CYGB: variants seen among roughly 807,000 people sequenced by gnomAD.
CYGB encodes the protein histoglobin.
Under a neutral mutation model 20.7 loss-of-function variants are expected in CYGB, and 13 were observed. That is an observed-to-expected ratio of 0.63 (90% CI 0.41 to 1.00). CYGB has a LOEUF of 1.00. CYGB is among the 50% of genes least tolerant of loss of function. The pLI is 0.00. For synonymous variants in CYGB, 93 were observed against 107.4 expected (o/e 0.87, Z 0.83); for missense variants, 218 against 257.2 (o/e 0.85, Z 1.04).
rs200052841 is a variant in CYGB at position 76,531,177 on chromosome 17, C to T, written c.376-35G>A. 326 of 1,596,658 alleles carry T rather than the reference C, an allele frequency of 2.0e-4. 1 individual carries two copies. The East Asian group carries it at 2.7e-3, about 13-fold the overall frequency. ...AAGGGAGGAAGGGGGAGTGAACGCCCGGGCGCCCTGCGTCCTGCAACCCCC... is the reference window on the plus strand; with the variant it reads ...AAGGGAGGAAGGGGGAGTGAACGCCTGGGCGCCCTGCGTCCTGCAACCCCC... On this transcript the variant is annotated intron_variant, in intron 2 of 3. Coordinates refer to ENST00000293230, the MANE Select transcript of CYGB (RefSeq NM_134268.5). This position sits in a 1 kb window ranked among gnomAD's most constrained non-coding sequence, Gnocchi z 7.4.
intron 1 of CYGB, among the ~76,000 whole-genome samples, chr17:76,536,681 A>C (rs1382250555): frequency 6.6e-6 from 1 of 152,170 alleles, no homozygotes; most frequent in Non-Finnish European, 1.5e-5. Flanking sequence ...CCCTAAGCCC[A>C]AGCCACTGCA....
rs534089064 is a variant in CYGB at position 76,549,609 on chromosome 17, A to G, written c.-53+1253T>C. On this transcript the variant is annotated intron_variant, in intron 1 of 3. Transcript: ENST00000589145. ...AGAGGAATGAAAACTTACATCCACAAAAAAGACTGCAAAGATGTTCATGGC... is the reference window on the plus strand; with the variant it reads ...AGAGGAATGAAAACTTACATCCACAGAAAAGACTGCAAAGATGTTCATGGC... 2.6e-5 allele frequency among the ~76,000 whole-genome samples: 4 copies of G among 152,364 alleles called. No individual in the cohort carries two copies. The South Asian group carries it at 8.3e-4, about 32-fold the overall frequency.
upstream of CYGB, among the ~76,000 whole-genome samples, chr17:76,541,832 T>G (rs1387979467): frequency 6.6e-6 from 1 of 152,142 alleles, no homozygotes; most frequent in Non-Finnish European, 1.5e-5. Flanking sequence ...ATGGAAAGAC[T>G]ATGGGGGAAA....
upstream of CYGB, chr17:76,540,662 C>A (rs544508642): frequency 4.4e-5 from 58 of 1,309,220 alleles, no homozygotes; most frequent in African/African-American, 7.0e-4. The surrounding 1 kb of genome is among the most constrained non-coding windows in gnomAD (Gnocchi z 5.0). Context: ...TGTGCCTGTG[C>A]GCGCCTGTGC....
At position 76,531,401 on chromosome 17, in the gene CYGB, G is replaced by A. The variant is rs902003474; in HGVS notation, c.375+59C>T. 18 of 1,559,910 alleles carry A rather than the reference G, an allele frequency of 1.2e-5. No homozygotes were observed. In the African/African-American group the frequency reaches 2.2e-4, roughly 19 times the overall value. Reference sequence around the variant, plus strand: ...CAGAGAGCCGTCGCAGAGCCTGCGAGCTGCAGATGGCCATGACGCGTGGGC... The same window carrying A: ...CAGAGAGCCGTCGCAGAGCCTGCGAACTGCAGATGGCCATGACGCGTGGGC... On this transcript the variant is annotated intron_variant, in intron 2 of 3. Transcript: ENST00000293230. The surrounding 1 kb of genome is among the most constrained non-coding windows in gnomAD (Gnocchi z 7.4).
At position 76,530,088 on chromosome 17, in the gene CYGB, C is replaced by T; in HGVS notation, c.539+891G>A. 1 of 982,754 alleles carries T rather than the reference C, an allele frequency of 1.0e-6. No individual in the cohort carries two copies. Among genetic ancestry groups the T allele is most frequent in the Non-Finnish European group, 1.2e-6 (1 of 827,602 alleles). 60.9% of individuals were successfully genotyped at this position (982,754 alleles called of 1,614,324 possible). ...GCCCGGCGGGAGACGCCGCCTTTTC[C>T]ATGGGAAACTGCTGGGAATGTTTCT... On this transcript the variant is annotated intron_variant, in intron 3 of 3. Coordinates refer to ENST00000293230, the MANE Select transcript of CYGB (RefSeq NM_134268.5). The surrounding 1 kb of genome is among the most constrained non-coding windows in gnomAD (Gnocchi z 6.1).
chr17:76,534,763 G>A (rs1412340105), intron 1 of CYGB, among the ~76,000 whole-genome samples: 1 of 152,326 alleles, frequency 6.6e-6, no homozygotes, highest in South Asian at 2.1e-4. Flanking sequence ...ATCGTGGCCT[G>A]GTAACCAGGT....
At chr17:76,534,628 C>T (rs1008457050) in intron 1 of CYGB, among the ~76,000 whole-genome samples, 2 of 152,246 alleles carry the variant, frequency 1.3e-5, no homozygotes, top group Admixed American at 6.5e-5. Flanking sequence ...TAATCCCCAT[C>T]CTATGAATTA....
intron 1 of CYGB, chr17:76,544,756 A>G (rs2075034710): frequency 2.2e-6 from 1 of 456,546 alleles, no homozygotes; most frequent in Non-Finnish European, 4.4e-6. Context: ...TTTATTCTCT[A>G]TTTGCCATGT....
At position 76,527,870 on chromosome 17, in the gene CYGB, C is replaced by T. The variant is rs760296517; in HGVS notation, c.*708G>A. The T allele has an allele frequency of 1.1e-5, 5 of 445,918 alleles. No individual in the cohort carries two copies. Among genetic ancestry groups the T allele is most frequent in the South Asian group, 4.7e-5 (3 of 64,274 alleles). The allele number at this position is 445,918 out of a possible 1,614,324, so 27.6% of individuals were successfully genotyped here. A position where few individuals can be genotyped will look rare whatever the true frequency, so the allele number is the denominator to read the frequency against. On this transcript the variant is annotated 3_prime_UTR_variant, in exon 4 of 4. Transcript: ENST00000293230. ...CCTCTGAGGGAGTAGGGGGAGCCCA[C>T]TCCTTTCTGCCTGGAAGTGGAATTC...
chr17:76,534,704 C>G (rs906159371), intron 1 of CYGB, among the ~76,000 whole-genome samples: 8 of 152,126 alleles, frequency 5.3e-5, no homozygotes, highest in African/African-American at 1.9e-4. Flanking sequence ...CAGGCAGGCC[C>G]GCTTTGACAG....
intron 1 of CYGB, among the ~76,000 whole-genome samples, chr17:76,534,178 T>TCTCTCTC (rs1567907880): frequency 3.0e-4 from 19 of 63,940 alleles, no homozygotes; most frequent in Non-Finnish European, 5.8e-4. Context: ...CTCTCTCTCT[T>TCTCTCTC]TCTTTCTTTC....
chr17:76,534,841 C>G (rs1462473195), intron 1 of CYGB, among the ~76,000 whole-genome samples: 1 of 152,218 alleles, frequency 6.6e-6, no homozygotes, highest in Non-Finnish European at 1.5e-5. Flanking sequence ...GAGTCCCCAC[C>G]CAGACCCTCC....
At chr17:76,537,302 A>C in intron 1 of CYGB, 98 bp downstream of exon 1, 2 of 1,310,982 alleles carry the variant, frequency 1.5e-6, no homozygotes, top group Non-Finnish European at 2.0e-6. Context: ...GCGGCTGGGG[A>C]GGTGGCGCTG....
At chr17:76,549,548 G>C (rs1235061677) in intron 1 of CYGB, among the ~76,000 whole-genome samples, 1 of 152,180 alleles carries the variant, frequency 6.6e-6, no homozygotes, top group Non-Finnish European at 1.5e-5. Context: ...CAACCACTTG[G>C]GAAACCAGCA....
chr17:76,547,807 GACACACATTCACACACACACACACA>G (rs536046764), intron 1 of CYGB, among the ~76,000 whole-genome samples: 1 of 142,978 alleles, frequency 7.0e-6, no homozygotes, highest in East Asian at 2.1e-4. Context: ...CATTCACAGA[GACACACATTCACACACACACACACA>G]ACACACATTC....
rs1444516837 is a variant in CYGB at position 76,527,605 on chromosome 17, G to T, written c.*973C>A. Reference sequence around the variant, plus strand: ...AGATGAATAGACAGGGCCGACTGCCGGCCAGGAGGAGGGTGGGGTGGGGAA... The same window carrying T: ...AGATGAATAGACAGGGCCGACTGCCTGCCAGGAGGAGGGTGGGGTGGGGAA... On this transcript the variant is annotated 3_prime_UTR_variant, in exon 4 of 4. Coordinates refer to ENST00000293230, the MANE Select transcript of CYGB (RefSeq NM_134268.5). The T allele has an allele frequency of 4.4e-6, 2 of 453,124 alleles. No individual in the cohort carries two copies. The highest frequency in any genetic ancestry group is 1.6e-5 in the South Asian group (1 of 64,418). The allele number at this position is 453,124 out of a possible 1,614,324, so 28.1% of individuals were successfully genotyped here.
chr17:76,540,751 C>A (rs749136553), upstream of CYGB, among the ~76,000 whole-genome samples: 1 of 152,196 alleles, frequency 6.6e-6, no homozygotes, highest in African/African-American at 2.4e-5. The surrounding 1 kb of genome is among the most constrained non-coding windows in gnomAD (Gnocchi z 5.0). Flanking sequence ...CTGTTTTCTG[C>A]GGTTGGGAAT....
chr17:76,545,334 G>A (rs1353994240), intron 1 of CYGB: 2 of 456,632 alleles, frequency 4.4e-6, no homozygotes, highest in East Asian at 6.9e-5. Context: ...GGGCAAGGGT[G>A]GACCTTTAAA....
Sources: gnomAD v4.1 joint callset for allele counts (sites outside exome capture counted in the v4.1 genomes callset) on GRCh38, gnomAD v4.1.1 for gene constraint, Gnocchi (gnomAD v3.1) non-coding constraint, MANE v1.5 for transcripts, NCBI Gene and HGNC (gene_info 2026-07-23, HGNC 2026-07-21) for gene names.